NAGK: variants seen among roughly 807,000 people sequenced by gnomAD.
NAGK encodes the protein N-acetylglucosamine kinase.
Under a neutral mutation model 42.9 loss-of-function variants are expected in NAGK, and 35 were observed. The ratio of observed to expected loss-of-function variants is 0.82; its 90% CI spans 0.62 to 1.08. The LOEUF is 1.08. Among genes scored for constraint, NAGK ranks in the 50% least tolerant of loss-of-function variants. The probability of loss-of-function intolerance (pLI) is 0.00; values close to 1 mark genes in which losing one functional copy is unlikely to be tolerated. For synonymous variants in NAGK, 172 were observed against 176.0 expected, an observed-to-expected ratio of 0.98 and a Z score of 0.18; for missense variants, 446 against 446.0, an observed-to-expected ratio of 1.00 and a Z score of 0.00.
chr2:71,070,393 C>T (rs1006184716), intron 1 of NAGK, 109 bp from the exon 2 acceptor site: 16 of 851,452 alleles, frequency 1.9e-5, no homozygotes, highest in Admixed American at 5.3e-5. Flanking sequence ...TTGAGTTTGT[C>T]GAAGCTGTCT....
At chr2:71,072,814 T>G (rs748980308) in intron 5 of NAGK, 63 bp downstream of exon 5, 17 of 1,458,136 alleles carry the variant, frequency 1.2e-5, no homozygotes, top group South Asian at 2.4e-5. Flanking sequence ...CTCCCTGTCT[T>G]TCTCTCCTTA....
At chr2:71,068,472 G>A (rs1254320565), upstream of NAGK, 4 of 1,406,794 alleles carry the variant, frequency 2.8e-6, no homozygotes, top group African/African-American at 6.1e-5. Flanking sequence ...CGCTCCACCT[G>A]GAGGAGACAC....
chr2:71,077,892 A>G (rs1672274621), intron 9 of NAGK, among the ~76,000 whole-genome samples: 1 of 152,242 alleles, frequency 6.6e-6, no homozygotes, highest in African/African-American at 2.4e-5. Flanking sequence ...ACTTTTAAAA[A>G]GTTAAAGACA....
intron 3 of NAGK, 98 bp from the exon 4 acceptor site, chr2:71,071,588 A>T: frequency 1.4e-6 from 2 of 1,466,404 alleles, no homozygotes; most frequent in South Asian, 1.3e-5. Context: ...GTATGGCCAG[A>T]TGGGGAGAAC....
rs146271156 is a variant in NAGK at position 71,071,675 on chromosome 2, G to T, written c.214-11G>T. 1,377 of 1,609,438 alleles carry T rather than the reference G, an allele frequency of 8.6e-4. 21 individuals are homozygous for T. In the African/African-American group the frequency reaches 0.016, roughly 19 times the overall value. Reference sequence around the variant, plus strand: ...GGCTCTGCACACTCGCTCACCTCCCGCGTGGCCTAGGGCCTATCTCTGAGC... The same window carrying T: ...GGCTCTGCACACTCGCTCACCTCCCTCGTGGCCTAGGGCCTATCTCTGAGC... On this transcript the variant is annotated splice_polypyrimidine_tract_variant and intron_variant, in intron 3 of 9. Transcript: ENST00000244204.
intron 5 of NAGK, 26 bp downstream of exon 5, chr2:71,072,777 CAG>C: frequency 6.3e-7 from 1 of 1,588,620 alleles, no homozygotes; most frequent in Non-Finnish European, 8.6e-7. Context: ...GGCCCAGCTC[CAG>C]GTCCTGGATC....
chr2:71,072,001 A>C (rs1362816998), intron 4 of NAGK, among the ~76,000 whole-genome samples, 174 bp downstream of exon 4: 1 of 152,208 alleles, frequency 6.6e-6, no homozygotes, highest in East Asian at 1.9e-4. Flanking sequence ...CAGCAGGAGG[A>C]AGGGCAAGAA....
Position 71,071,866 on chromosome 2 carries a change from T to G in NAGK, c.355+39T>G, listed in dbSNP as rs936404003. 7 of 1,609,506 alleles carry G rather than the reference T, an allele frequency of 4.3e-6. No homozygotes were observed. The African/African-American group carries it at 9.4e-5, about 22-fold the overall frequency. ...GGGAGGGGTGAGAGTGAGAACTGGT[T>G]TTTTTGGGAAAGCCCCTTAGATATA... is the stretch of plus-strand genomic sequence containing the variant. On this transcript the variant is annotated intron_variant, in intron 4 of 9. Coordinates refer to ENST00000244204, the MANE Select transcript of NAGK (RefSeq NM_017567.6).
In NAGK at chr2:71,078,581, C is replaced by T; in HGVS notation, c.*73C>T. 2 of 1,420,986 alleles carry T rather than the reference C, an allele frequency of 1.4e-6. No homozygotes were observed. The highest frequency in any genetic ancestry group is 1.9e-6 in the Non-Finnish European group (2 of 1,071,996). 88.0% of individuals were successfully genotyped at this position (1,420,986 alleles called of 1,614,324 possible). A position where few individuals can be genotyped will look rare whatever the true frequency, so the allele number is the denominator to read the frequency against. Reference sequence around the variant, plus strand: ...CTGAAAGGAAGGAGTCTTTTGCTTCCTTTCTCCTTTTTACAAAAACAAACA... The same window carrying T: ...CTGAAAGGAAGGAGTCTTTTGCTTCTTTTCTCCTTTTTACAAAAACAAACA... On this transcript the variant is annotated 3_prime_UTR_variant, in exon 10 of 10. Coordinates refer to ENST00000244204, the MANE Select transcript of NAGK (RefSeq NM_017567.6).
upstream of NAGK, chr2:71,068,445 C>A: frequency 3.7e-6 from 5 of 1,368,198 alleles, no homozygotes; most frequent in Non-Finnish European, 4.7e-6. Flanking sequence ...ACGGGAGGGG[C>A]CGCTGCGGAC....
chr2:71,073,388 C>T, intron 5 of NAGK, 94 bp from the exon 6 acceptor site: 1 of 627,494 alleles, frequency 1.6e-6, no homozygotes, highest in Non-Finnish European at 2.7e-6. Flanking sequence ...GTATAAAATT[C>T]AAGCAGATCA....
intron 1 of NAGK, 89 bp from the exon 2 acceptor site, chr2:71,070,413 T>C: frequency 9.0e-7 from 1 of 1,109,098 alleles, no homozygotes; most frequent in Non-Finnish European, 1.3e-6. Flanking sequence ...TCCTCCATCA[T>C]ACTGGGCTCT....
At position 71,076,712 on chromosome 2, in the gene NAGK, G is replaced by C; in HGVS notation, c.765+11G>C. On this transcript the variant is annotated intron_variant, in intron 8 of 9. Transcript: ENST00000244204. ...CCCGAGATTGACCCGGTGAGTTGAG[G>C]TGGGAGTGAAGGTGGGGAGCTGCTG... The C allele has an allele frequency of 6.2e-7, 1 of 1,610,778 alleles. No homozygotes were observed. The highest frequency in any genetic ancestry group is 1.1e-5 in the South Asian group (1 of 90,936).
In NAGK at chr2:71,068,717, G is replaced by T; in HGVS notation, c.29+5G>T. 6.8e-7 allele frequency: 1 copy of T among 1,462,148 alleles called. No homozygotes were observed. 90.6% of individuals were successfully genotyped at this position (1,462,148 alleles called of 1,614,324 possible). A position where few individuals can be genotyped will look rare whatever the true frequency, so the allele number is the denominator to read the frequency against. ...GATCTATGGGGGTGTAGAGGGGTGA[G>T]TGCGGCCCGGCGGAGGGAGCCTGGG... On this transcript the variant is annotated splice_donor_5th_base_variant and intron_variant, in intron 1 of 9. Coordinates refer to ENST00000244204, the MANE Select transcript of NAGK (RefSeq NM_017567.6).
intron 1 of NAGK, chr2:71,070,218 C>T (rs567455768): frequency 1.7e-4 from 58 of 340,826 alleles, no homozygotes; most frequent in African/African-American, 1.2e-3. Context: ...TTAACTAATT[C>T]GTTGGGGTGG....
rs760520349 is a variant in NAGK, at chr2:71,071,822, C to G, written c.350C>G (p.Pro117Arg). Residue 117 changes from proline to arginine, a missense_variant, in exon 4 of 10, where the codon CCG (proline) becomes CGG (arginine). By Grantham distance (103) the Pro-to-Arg change is moderately radical. Transcript: ENST00000244204. The part of the protein sequence containing the change: ...DAAGSIATAT[P>R]DGGVVLISGT... ...GCCGGCTCCATCGCCACAGCTACACCGGATGGTGAGGAAGTGGAGGGAGGG... is the reference window on the plus strand; with the variant it reads ...GCCGGCTCCATCGCCACAGCTACACGGGATGGTGAGGAAGTGGAGGGAGGG... The G allele has an allele frequency of 1.2e-6, 2 of 1,613,974 alleles. No homozygotes were observed. Among genetic ancestry groups the G allele is most frequent in the Non-Finnish European group, 8.5e-7 (1 of 1,179,960 alleles).
At chr2:71,070,620 G>A in intron 2 of NAGK, 34 bp downstream of exon 2, 1 of 1,607,524 alleles carries the variant, frequency 6.2e-7, no homozygotes, top group Non-Finnish European at 8.5e-7. Flanking sequence ...AGAGGGCTTG[G>A]TTCTGATTTT....
At chr2:71,072,162 T>G (rs1672038409) in intron 4 of NAGK, 1 of 301,090 alleles carries the variant, frequency 3.3e-6, no homozygotes, top group Non-Finnish European at 6.3e-6. Context: ...TGTAAAGAGT[T>G]TTGGTGTCAT....
Position 71,070,849 on chromosome 2 carries a change from G to T in NAGK, c.213+10G>T. The T allele has an allele frequency of 6.2e-7, 1 of 1,614,050 alleles. No homozygotes were observed. The highest frequency in any genetic ancestry group is 1.7e-5 in the Admixed American group (1 of 60,022). Reference sequence around the variant, plus strand: ...ACCGCTGCGAAGCTTGGTGAGTCTGGGGCGGAGCCTGGGAATTCAGCCATC... The same window carrying T: ...ACCGCTGCGAAGCTTGGTGAGTCTGTGGCGGAGCCTGGGAATTCAGCCATC... On this transcript the variant is annotated intron_variant, in intron 3 of 9. Transcript: ENST00000244204.
Sources: allele counts gnomAD v4.1 joint callset (sites outside exome capture counted in the v4.1 genomes callset), GRCh38; gene constraint gnomAD v4.1.1; transcripts MANE v1.5; gene names NCBI Gene and HGNC (gene_info 2026-07-23, HGNC 2026-07-21).